The following ANKLE1 variants were observed in gnomAD, a reference collection of about 807,000 sequenced individuals.
ANKLE1 encodes the protein structure-specific endonuclease ANKLE1.
ANKLE1 carries 59 observed loss-of-function variants against 56.2 expected under a neutral mutation model. The ratio of observed to expected loss-of-function variants is 1.05; its 90% CI spans 0.85 to 1.30. The LOEUF (loss-of-function observed/expected upper bound fraction) is 1.30, where lower values mean the gene tolerates loss of function less well. Ranked by LOEUF, ANKLE1 falls within the 50% of genes most tolerant of loss-of-function variation. ANKLE1 has a pLI of 0.00. For missense variants in ANKLE1, 771 were observed against 816.1 expected (o/e 0.94, Z 0.67); for synonymous variants, 341 against 352.9 (o/e 0.97, Z 0.38).
At position 17,282,979 on chromosome 19, in the gene ANKLE1, A is replaced by G; in HGVS notation, c.437A>G (p.Gln146Arg). ...CGGACCCGGATCGGGGCAGAGACTCAGGAGCCCGAGCCTGCACCTGGCAGT... is the reference window on the plus strand; with the variant it reads ...CGGACCCGGATCGGGGCAGAGACTCGGGAGCCCGAGCCTGCACCTGGCAGT... ...RTRTRIGAET[Q>R]EPEPAPGTPG... The change falls in exon 4 of 9, where the codon CAG becomes CGG. Residue 146 changes from glutamine to arginine, a missense_variant. Coordinates refer to ENST00000404085, the MANE Select transcript of ANKLE1 (RefSeq NM_152363.6). 6.4e-7 allele frequency: 1 copy of G among 1,563,862 alleles called. No individual in the cohort carries two copies. The highest frequency in any genetic ancestry group is 8.6e-7 in the Non-Finnish European group (1 of 1,161,210).
chr19:17,286,573 C>T lies in ANKLE1; in HGVS notation c.*21C>T. 6.3e-7 allele frequency: 1 copy of T among 1,587,440 alleles called. No individual in the cohort carries two copies. The highest frequency in any genetic ancestry group is 8.6e-7 in the Non-Finnish European group (1 of 1,167,674). On this transcript the variant is annotated 3_prime_UTR_variant, in exon 9 of 9. Coordinates refer to ENST00000404085, the MANE Select transcript of ANKLE1 (RefSeq NM_152363.6). ...GCTGAGTGCTGGGGAGTTGGCCATC[C>T]AGCCTGGGGAGAAATGTTTGAATGT...
Position 17,286,096 on chromosome 19 carries a change from C to T in ANKLE1, c.1675+277C>T, listed in dbSNP as rs1042755399. ...TGATCCCGACTCACTGCAGCCTCTGCCTCCCAGGTTCAAGTGATTCTTGTG... is the reference window on the plus strand; with the variant it reads ...TGATCCCGACTCACTGCAGCCTCTGTCTCCCAGGTTCAAGTGATTCTTGTG... On this transcript the variant is annotated intron_variant, in intron 8 of 8. Transcript: ENST00000404085. 8.5e-5 allele frequency among the ~76,000 whole-genome samples: 13 copies of T among 152,120 alleles called. 1 individual carries two copies. The highest frequency in any genetic ancestry group is 4.4e-5 in the Non-Finnish European group (3 of 68,020).
At position 17,283,785 on chromosome 19, in the gene ANKLE1, G is replaced by C; in HGVS notation, c.1021G>C (p.Ala341Pro). 1 of 1,613,612 alleles carries C rather than the reference G, an allele frequency of 6.2e-7. No homozygotes were observed. The highest frequency in any genetic ancestry group is 8.5e-7 in the Non-Finnish European group (1 of 1,179,900). The stretch of plus-strand genomic sequence containing the variant: ...CACGCTCTGGCTGACAGAGGATGAG[G>C]CAAGCTCTACAGGTGGCAGGGAACC... ...MATLWLTEDE[A>P]SSTGGREPVG... The change falls in exon 5 of 9, where the codon GCA (alanine) becomes CCA (proline). Residue 341 changes from alanine to proline, a missense_variant. Coordinates refer to ENST00000404085, the MANE Select transcript of ANKLE1 (RefSeq NM_152363.6).
At position 17,286,667 on chromosome 19, in the gene ANKLE1, TG is replaced by T; in HGVS notation, c.*116del. ...GAAGGGGTGTGTGTGTGTGTGTGTG[TG>T]TGTGTGTGTGTGTGTGTGTGTGTTT... On this transcript the variant is annotated 3_prime_UTR_variant, in exon 9 of 9. Transcript: ENST00000404085. 1.2e-6 allele frequency: 1 copy of T among 854,510 alleles called. No individual in the cohort carries two copies. Among genetic ancestry groups the T allele is most frequent in the Non-Finnish European group, 1.7e-6 (1 of 600,844 alleles). 52.9% of individuals were successfully genotyped at this position (854,510 alleles called of 1,614,324 possible).
At position 17,282,990 on chromosome 19, in the gene ANKLE1, C is replaced by A. The variant is rs756766921; in HGVS notation, c.448C>A (p.Pro150Thr). ...RIGAETQEPE[P>T]APGTPGLSGP... ...CGGGGCAGAGACTCAGGAGCCCGAG[C>A]CTGCACCTGGCAGTGAGTAGGGCCT... The change falls in exon 4 of 9, where the codon CCT becomes ACT. Residue 150 changes from proline to threonine, a missense_variant. Coordinates refer to ENST00000404085, the MANE Select transcript of ANKLE1 (RefSeq NM_152363.6). 4.5e-6 allele frequency: 7 copies of A among 1,562,288 alleles called. No individual in the cohort carries two copies. The highest frequency in any genetic ancestry group is 5.2e-6 in the Non-Finnish European group (6 of 1,160,514).
At position 17,287,126 on chromosome 19, in the gene ANKLE1, G is replaced by C. The variant is rs1275413918; in HGVS notation, c.*574G>C. 6.6e-6 allele frequency: 1 copy of C among 152,512 alleles called. No homozygotes were observed. The highest frequency in any genetic ancestry group is 1.5e-5 in the Non-Finnish European group (1 of 68,276). 9.4% of individuals were successfully genotyped at this position (152,512 alleles called of 1,614,324 possible). A position where few individuals can be genotyped will look rare whatever the true frequency, so the allele number is the denominator to read the frequency against. The stretch of plus-strand genomic sequence containing the variant: ...ATTGCTACACTCCCACCAGCGCCAT[G>C]ACAGTTTACAAATGCCATGGCTGGC... On this transcript the variant is annotated 3_prime_UTR_variant, in exon 9 of 9. Transcript: ENST00000404085.
At chr19:17,282,436 A>C in intron 2 of ANKLE1, 1 of 839,298 alleles carries the variant, frequency 1.2e-6, no homozygotes, top group Non-Finnish European at 1.8e-6. Flanking sequence ...CAAAGTGGGG[A>C]TCAAGGGTTC....
Position 17,283,481 on chromosome 19 carries a change from C to A in ANKLE1, c.717C>A (p.Pro239=), listed in dbSNP as rs1398256477. Residue 239 remains proline (P), a synonymous_variant, in exon 5 of 9, where the codon CCC becomes CCA. Transcript: ENST00000404085. ...AGGACCCAGCCTCGGACACTCCCCC[C>A]TGGGCTGGGTCATTGCCACCGACCA... ...GAEDPASDTP[P]WAGSLPPTRQ... is the part of the protein sequence containing the mutation. 6.2e-7 allele frequency: 1 copy of A among 1,613,182 alleles called. No individual in the cohort carries two copies. The highest frequency in any genetic ancestry group is 1.7e-5 in the Admixed American group (1 of 60,016).
Position 17,285,708 on chromosome 19 carries a change from C to T in ANKLE1, c.1564C>T (p.Gln522Ter), listed in dbSNP as rs2074023939. Residue 522 changes from glutamine to a stop codon, truncating the protein, a stop_gained, in exon 8 of 9, where the codon CAG (glutamine) becomes TAG (stop). Coordinates refer to ENST00000404085, the MANE Select transcript of ANKLE1 (RefSeq NM_152363.6). LOFTEE classifies it high-confidence loss of function. Reference protein sequence around the residue: ...QPHQACPKVRQILDIWASGCG... With the variant: ...QPHQACPKVR Reference sequence around the variant, plus strand: ...CCACCAGGCCTGCCCCAAGGTGCGTCAGATCTTGGACATCTGGGCCAGTGG... The same window carrying T: ...CCACCAGGCCTGCCCCAAGGTGCGTTAGATCTTGGACATCTGGGCCAGTGG... 3 of 1,613,850 alleles carry T rather than the reference C, an allele frequency of 1.9e-6. No homozygotes were observed. Among genetic ancestry groups the T allele is most frequent in the East Asian group, 4.5e-5 (2 of 44,896 alleles).
Position 17,282,069 on chromosome 19 carries a change from G to T in ANKLE1, c.75G>T (p.Glu25Asp). The change falls in exon 2 of 9, where the codon GAG becomes GAT. Residue 25 changes from glutamate to aspartate, a missense_variant. Physicochemically the swap from Glu to Asp is conservative, Grantham distance 45. Coordinates refer to ENST00000404085, the MANE Select transcript of ANKLE1 (RefSeq NM_152363.6). The stretch of plus-strand genomic sequence containing the variant: ...GCGGTGTTTGCAGGGCAGTAGAGGA[G>T]CTGCTGCGCTGCGGCGCGGACCCTA... Reference protein sequence around the residue: ...LREEEPWAVEELLRCGADPNL... With the variant: ...LREEEPWAVEDLLRCGADPNL... 1 of 1,539,450 alleles carries T rather than the reference G, an allele frequency of 6.5e-7. No homozygotes were observed.
At chr19:17,282,484 G>T (rs763092653) in intron 2 of ANKLE1, 172 bp from the exon 3 acceptor site, 1 of 845,078 alleles carries the variant, frequency 1.2e-6, no homozygotes, top group Non-Finnish European at 1.9e-6. Context: ...AGACGGCAGA[G>T]GTTTGGGTCC....
At chr19:17,285,032 G>GGC (rs2074016367) in intron 6 of ANKLE1, among the ~76,000 whole-genome samples, 1 of 151,836 alleles carries the variant, frequency 6.6e-6, no homozygotes, top group African/African-American at 2.4e-5. Flanking sequence ...GGCTGAGGTG[G>GGC]GCGGATCACC....
In ANKLE1 at chr19:17,282,886, T is replaced by G; in HGVS notation, c.344T>G (p.Leu115Arg). 6.3e-7 allele frequency: 1 copy of G among 1,580,556 alleles called. No homozygotes were observed. Among genetic ancestry groups the G allele is most frequent in the South Asian group, 1.1e-5 (1 of 87,762 alleles). Residue 115 changes from leucine to arginine, a missense_variant, in exon 4 of 9, where the codon CTG becomes CGG. Coordinates refer to ENST00000404085, the MANE Select transcript of ANKLE1 (RefSeq NM_152363.6). ...TAGGACGGACTCCGGCCGCTGGACC[T>G]GGCCCTGCAGCAGGGACACCTGGAG... ...RDQDGLRPLD[L>R]ALQQGHLECA...
At chr19:17,282,247 A>G (rs1333592845) in intron 2 of ANKLE1, 38 bp downstream of exon 2, 3 of 1,447,548 alleles carry the variant, frequency 2.1e-6, no homozygotes, top group Non-Finnish European at 2.7e-6. Context: ...GGTCTCCCCA[A>G]GCCGAAGTCT....
At chr19:17,282,635 C>T in intron 2 of ANKLE1, 21 bp from the exon 3 acceptor site, 1 of 1,531,434 alleles carries the variant, frequency 6.5e-7, no homozygotes, top group Non-Finnish European at 8.7e-7. Flanking sequence ...CGCAATGACC[C>T]CTCTTGCGCT....
In ANKLE1 at chr19:17,286,633, C is replaced by G. The variant is rs1172730594; in HGVS notation, c.*81C>G. The G allele has an allele frequency of 1.3e-6, 2 of 1,542,490 alleles. No individual in the cohort carries two copies. Among genetic ancestry groups the G allele is most frequent in the South Asian group, 2.4e-5 (2 of 83,614 alleles). On this transcript the variant is annotated 3_prime_UTR_variant, in exon 9 of 9. Coordinates refer to ENST00000404085, the MANE Select transcript of ANKLE1 (RefSeq NM_152363.6). Reference sequence around the variant, plus strand: ...CCCATGCTGACAGCAGCCCCCATCTCTGGTTTCAGAAGGGGTGTGTGTGTG... The same window carrying G: ...CCCATGCTGACAGCAGCCCCCATCTGTGGTTTCAGAAGGGGTGTGTGTGTG...
Position 17,282,198 on chromosome 19 carries a change from C to T in ANKLE1, c.204C>T (p.Asp68=), listed in dbSNP as rs1234550768. The T allele has an allele frequency of 6.6e-7, 1 of 1,512,884 alleles. No individual in the cohort carries two copies. The allele number at this position is 1,512,884 out of a possible 1,614,324, so 93.7% of individuals were successfully genotyped here. A position where few individuals can be genotyped will look rare whatever the true frequency, so the allele number is the denominator to read the frequency against. Residue 68 remains aspartate (D), a synonymous_variant, in exon 2 of 9, where the codon GAC becomes GAT. Coordinates refer to ENST00000404085, the MANE Select transcript of ANKLE1 (RefSeq NM_152363.6). ...CLGALLRQGG[D]PNARSVEALT... The stretch of plus-strand genomic sequence containing the variant: ...GGGCCCTACTGCGCCAAGGCGGGGA[C>T]CCCAACGCTCGGTAAGATAGAGCCT...
At position 17,285,487 on chromosome 19, in the gene ANKLE1, A is replaced by T. The variant is rs1330530170; in HGVS notation, c.1433A>T (p.Gln478Leu). The change falls in exon 7 of 9, where the codon CAG (glutamine) becomes CTG (leucine). Residue 478 changes from glutamine to leucine, a missense_variant. By Grantham distance (113) the Gln-to-Leu change is moderately radical (BLOSUM62 -2). Transcript: ENST00000404085. ...AFSLTPAERL[Q>L]TFIRAIFYVG... ...TCACTGACCCCAGCTGAGCGCCTTC[A>T]GACTTTCATCCGTGCCATCTTCTAC... The T allele has an allele frequency of 6.2e-7, 1 of 1,613,888 alleles. No individual in the cohort carries two copies. The highest frequency in any genetic ancestry group is 1.7e-5 in the Admixed American group (1 of 60,010).
Position 17,283,919 on chromosome 19 carries a change from G to A in ANKLE1, c.1155G>A (p.Arg385=). ...CTCACCCCATCACACCCTTCACCAG[G>A]CAGTTGTACCACCAGCAGCTGGAAG... ...ENPHPITPFT[R]QLYHQQLEEA... is the part of the protein sequence containing the mutation. Residue 385 remains arginine (R), a synonymous_variant, in exon 5 of 9, where the codon AGG becomes AGA. Coordinates refer to ENST00000404085, the MANE Select transcript of ANKLE1 (RefSeq NM_152363.6). 6.2e-7 allele frequency: 1 copy of A among 1,611,392 alleles called. No individual in the cohort carries two copies. The highest frequency in any genetic ancestry group is 1.3e-5 in the African/African-American group (1 of 74,988).
Sources: gnomAD v4.1 joint callset for allele counts (sites outside exome capture counted in the v4.1 genomes callset) on GRCh38, gnomAD v4.1.1 for gene constraint, MANE v1.5 for transcripts, NCBI Gene and HGNC (gene_info 2026-07-23, HGNC 2026-07-21) for gene names.